HECTD4: variants seen among roughly 807,000 people sequenced by gnomAD.
HECTD4 encodes the protein HECT domain E3 ubiquitin protein ligase 4, also known as probable E3 ubiquitin-protein ligase HECTD4.
HECTD4 carries 114 observed loss-of-function variants against 471.5 expected under a neutral mutation model. The ratio of observed to expected loss-of-function variants is 0.24; its 90% CI spans 0.21 to 0.28. The LOEUF (loss-of-function observed/expected upper bound fraction) is 0.28, where lower values mean the gene tolerates loss of function less well. Among genes scored for constraint, HECTD4 ranks in the 10% least tolerant of loss-of-function variants. The probability of loss-of-function intolerance (pLI) is 1.00; values close to 1 mark genes in which losing one functional copy is unlikely to be tolerated. For synonymous variants in HECTD4, 2,012 were observed against 2,256.0 expected (o/e 0.89, Z 3.07); for missense variants, 3,866 against 5,651.5 (o/e 0.68, Z 10.13).
chr12:112,360,393 T>C (rs1165855860), intron 1 of HECTD4, among the ~76,000 whole-genome samples: 1 of 152,180 alleles, frequency 6.6e-6, no homozygotes, highest in Non-Finnish European at 1.5e-5. Context: ...TCACAAATTT[T>C]TCCATCATCA....
intron 1 of HECTD4, among the ~76,000 whole-genome samples, chr12:112,329,453 C>T (rs987859644): frequency 1.3e-5 from 2 of 151,246 alleles, no homozygotes; most frequent in Admixed American, 6.6e-5. Flanking sequence ...TTGCAACCTC[C>T]GTCTCCTGGG....
At chr12:112,231,990 T>G (rs1484455172) in intron 38 of HECTD4, among the ~76,000 whole-genome samples, 1 of 152,162 alleles carries the variant, frequency 6.6e-6, no homozygotes, top group Non-Finnish European at 1.5e-5. Flanking sequence ...TTTTATCAGT[T>G]ATCAGTGTAT....
In HECTD4 at chr12:112,252,473, T is replaced by C; in HGVS notation, c.3503A>G (p.Asn1168Ser). Residue 1168 changes from asparagine (N) to serine (S), a missense_variant, in exon 23 of 76, where the codon AAC (asparagine) becomes AGC (serine). Asn to Ser is a conservative substitution (Grantham distance 46, BLOSUM62 1). Around this residue, in one of 16 missense-constraint regions of HECTD4, gnomAD observed 281 missense variants for 499.9 expected, o/e 0.56. Transcript: ENST00000682272. ...GCCCCACATGGCTTTATCAGGAGTG[T>C]TGTGTTCACGGCCACTTCTCATTTC... ...SFEMRSGREH[N>S]TPDKAMWGFA... 6.2e-7 allele frequency: 1 copy of C among 1,613,050 alleles called. No homozygotes were observed. Among genetic ancestry groups the C allele is most frequent in the Non-Finnish European group, 8.5e-7 (1 of 1,179,494 alleles).
At chr12:112,354,981 T>G (rs1276561639) in intron 1 of HECTD4, among the ~76,000 whole-genome samples, 1 of 151,888 alleles carries the variant, frequency 6.6e-6, no homozygotes, top group Non-Finnish European at 1.5e-5. Flanking sequence ...CAAATGGGAT[T>G]TTAATTTTTT....
At chr12:112,221,274 G>A (rs143967892) in intron 44 of HECTD4, among the ~76,000 whole-genome samples, 17 of 151,682 alleles carry the variant, frequency 1.1e-4, no homozygotes, top group African/African-American at 3.9e-4. Context: ...ATTGAGACAG[G>A]GTCTCACTCT....
At chr12:112,176,571 C>A (rs762215092) in intron 65 of HECTD4, 25 bp downstream of exon 65, 1 of 1,550,080 alleles carries the variant, frequency 6.5e-7, no homozygotes, top group Non-Finnish European at 8.9e-7. Context: ...TCCCAGCCCA[C>A]TCCAGGCCCC....
At chr12:112,280,917 A>G (rs1304277990) in intron 8 of HECTD4, among the ~76,000 whole-genome samples, 3 of 151,002 alleles carry the variant, frequency 2.0e-5, no homozygotes, top group Non-Finnish European at 2.9e-5. Flanking sequence ...GCCCCTCCCG[A>G]GTAGCTGAGA....
intron 52 of HECTD4, 36 bp from the exon 53 acceptor site, chr12:112,204,659 G>A: frequency 6.4e-7 from 1 of 1,556,000 alleles, no homozygotes; most frequent in Non-Finnish European, 8.8e-7. Flanking sequence ...ACTCCCCAAA[G>A]AGTACACACA....
At position 112,262,464 on chromosome 12, in the gene HECTD4, C is replaced by T. The variant is rs151315195; in HGVS notation, c.2749-1035G>A. Among the ~76,000 whole-genome samples, 69 of 122,808 alleles carry T rather than the reference C, an allele frequency of 5.6e-4. 1 individual carries two copies. In the East Asian group the frequency reaches 0.017, roughly 31 times the overall value. The allele number at this position is 122,808 out of a possible 152,430, so 80.6% of individuals were successfully genotyped here. ...TCAGAAGATGGAGGTTGCAGTGAGC[C>T]GAGATTGCACCACGGCTCTCCAGCC... On this transcript the variant is annotated intron_variant, in intron 17 of 75. Coordinates refer to ENST00000682272, the MANE Select transcript of HECTD4 (RefSeq NM_001388303.1).
intron 70 of HECTD4, among the ~76,000 whole-genome samples, chr12:112,168,130 G>A (rs1347729981): frequency 6.6e-6 from 1 of 152,222 alleles, no homozygotes; most frequent in Non-Finnish European, 1.5e-5. Context: ...TACCACGGAG[G>A]GCAAGATGTC....
intron 29 of HECTD4, 69 bp downstream of exon 29, chr12:112,246,828 GTGTC>G: frequency 7.6e-7 from 1 of 1,324,398 alleles, no homozygotes; most frequent in Non-Finnish European, 1.0e-6. Context: ...ATATAGCTGT[GTGTC>G]TTATATGAAC....
chr12:112,240,496 C>A (rs958274526), intron 32 of HECTD4, among the ~76,000 whole-genome samples: 2 of 151,454 alleles, frequency 1.3e-5, no homozygotes, highest in Non-Finnish European at 2.9e-5. Context: ...GTTACCCAGG[C>A]TGGAGTGCAG....
At chr12:112,241,690 C>T (rs1309082639) in intron 32 of HECTD4, among the ~76,000 whole-genome samples, 3 of 152,114 alleles carry the variant, frequency 2.0e-5, no homozygotes, top group African/African-American at 7.2e-5. Flanking sequence ...GAACTCCTAG[C>T]CTCAAGTGAT....
chr12:112,250,081 C>T (rs760191112), intron 25 of HECTD4, 63 bp downstream of exon 25: 1 of 1,071,362 alleles, frequency 9.3e-7, no homozygotes, highest in South Asian at 1.4e-5. Flanking sequence ...GAAATATACC[C>T]ATTTCAATTG....
Position 112,194,659 on chromosome 12 carries a change from C to T in HECTD4, c.8749+226G>A, listed in dbSNP as rs2032180018. On this transcript the variant is annotated intron_variant, in intron 56 of 75. Transcript: ENST00000682272. This position sits in a 1 kb window ranked among gnomAD's most constrained non-coding sequence, Gnocchi z 4.6. Reference sequence around the variant, plus strand: ...CTTGATCCACAATTACGTTGGGAAACTTGATGAATGCTTAACAGAGTAATG... The same window carrying T: ...CTTGATCCACAATTACGTTGGGAAATTTGATGAATGCTTAACAGAGTAATG... Among the ~76,000 whole-genome samples, 1 of 152,242 alleles carries T rather than the reference C, an allele frequency of 6.6e-6. No individual in the cohort carries two copies. The highest frequency in any genetic ancestry group is 1.5e-5 in the Non-Finnish European group (1 of 68,046).
chr12:112,200,865 G>T, intron 54 of HECTD4, 67 bp from the exon 55 acceptor site: 1 of 1,310,156 alleles, frequency 7.6e-7, no homozygotes, highest in Non-Finnish European at 1.1e-6. Flanking sequence ...GCGTGCGTGC[G>T]TGTGTGTGTG....
Position 112,193,285 on chromosome 12 carries a change from C to T in HECTD4, c.8956-94G>A, listed in dbSNP as rs372039709. 367 of 1,490,988 alleles carry T rather than the reference C, an allele frequency of 2.5e-4. 3 individuals are homozygous for T. The Middle Eastern group carries it at 2.8e-3, about 11-fold the overall frequency. 92.4% of individuals were successfully genotyped at this position (1,490,988 alleles called of 1,614,324 possible). On this transcript the variant is annotated intron_variant, in intron 57 of 75. Transcript: ENST00000682272. This position sits in a 1 kb window ranked among gnomAD's most constrained non-coding sequence, Gnocchi z 5.2. The stretch of plus-strand genomic sequence containing the variant: ...CACATGGCCCAGGAAATCAGCCAAA[C>T]GACTAAATAGCCCTCTGGAAGGAAG...
At chr12:112,355,287 CAAAAAAAAA>C (rs1310033896) in intron 1 of HECTD4, among the ~76,000 whole-genome samples, 1 of 111,448 alleles carries the variant, frequency 9.0e-6, no homozygotes, top group African/African-American at 3.5e-5. Flanking sequence ...AAATGGGATT[CAAAAAAAAA>C]AAAAAAAAAA....
chr12:112,209,145 T>G (rs2032684660), intron 50 of HECTD4, among the ~76,000 whole-genome samples: 1 of 152,006 alleles, frequency 6.6e-6, no homozygotes, highest in Admixed American at 6.6e-5. Flanking sequence ...CAAGCTATCC[T>G]CCTTCCTTGA....
Sources: allele counts gnomAD v4.1 joint callset (sites outside exome capture counted in the v4.1 genomes callset), GRCh38; gene constraint gnomAD v4.1.1; regional missense constraint gnomAD v4.1.1; non-coding constraint Gnocchi (gnomAD v3.1); transcripts MANE v1.5; gene names NCBI Gene and HGNC (gene_info 2026-07-23, HGNC 2026-07-21).